The following DACH2 variants were observed in gnomAD, a reference collection of about 807,000 sequenced individuals.
The protein encoded by DACH2 is dachshund family transcription factor 2.
Under a neutral mutation model 35.8 loss-of-function variants are expected in DACH2, and 17 were observed. That is an observed-to-expected ratio of 0.48 (90% CI 0.33 to 0.71). DACH2 has a LOEUF of 0.71. Ranked by LOEUF, DACH2 falls within the 30% of genes least tolerant of loss-of-function variation. The pLI, the probability that DACH2 is intolerant of heterozygous loss-of-function variation, is 0.02. For missense variants in DACH2, 469 were observed against 472.7 expected (o/e 0.99, Z 0.07); for synonymous variants, 195 against 177.3 (o/e 1.10, Z -0.79).
intron 1 of DACH2, among the ~76,000 whole-genome samples, chrX:86,239,212 A>AT (rs1414735385): frequency 1.8e-5 from 2 of 111,768 alleles, no homozygotes; most frequent in South Asian, 3.7e-4. Flanking sequence ...TAGATTGTTA[A>AT]TTTTTTATTG....
intron 2 of DACH2, among the ~76,000 whole-genome samples, chrX:86,469,530 A>G (rs2037729048): frequency 9.0e-6 from 1 of 111,161 alleles, no homozygotes; most frequent in Non-Finnish European, 1.9e-5. Flanking sequence ...GATATTGTCT[A>G]GTATATTGGA....
At chrX:86,805,062 G>A (rs2042330438) in intron 7 of DACH2, among the ~76,000 whole-genome samples, 2 of 112,316 alleles carry the variant, frequency 1.8e-5, no homozygotes, top group Non-Finnish European at 3.8e-5. Flanking sequence ...ACTCTGTGTG[G>A]GGGCTCCAAC....
chrX:86,201,391 CA>C (rs1432401107), intron 1 of DACH2, among the ~76,000 whole-genome samples: 2 of 110,405 alleles, frequency 1.8e-5, no homozygotes. Context: ...CCCCATGACA[CA>C]AGTTTACCTA....
intron 1 of DACH2, among the ~76,000 whole-genome samples, chrX:86,289,409 T>A (rs190350120): frequency 3.5e-4 from 29 of 82,892 alleles, no homozygotes; most frequent in African/African-American, 1.0e-3. Context: ...GCAGGTTTCT[T>A]TTATTTATTT....
intron 2 of DACH2, among the ~76,000 whole-genome samples, chrX:86,489,924 A>G (rs1432020273): frequency 4.5e-5 from 5 of 112,091 alleles, no homozygotes; most frequent in African/African-American, 1.6e-4. Context: ...ACTTAAAATA[A>G]ATAGACTAGA....
chrX:86,547,075 A>G (rs945028035), intron 3 of DACH2, among the ~76,000 whole-genome samples: 2 of 111,009 alleles, frequency 1.8e-5, no homozygotes, highest in African/African-American at 6.6e-5. Flanking sequence ...GCACCTGTGA[A>G]TTAGATACCC....
At chrX:86,250,576 A>G (rs1415254680) in intron 1 of DACH2, among the ~76,000 whole-genome samples, 1 of 111,478 alleles carries the variant, frequency 9.0e-6, no homozygotes, top group African/African-American at 3.2e-5. Flanking sequence ...GTGATTTTAC[A>G]TATTTTCATA....
rs76072657 is a variant in DACH2, at chrX:86,221,149, A to G, written c.488+72041A>G. On this transcript the variant is annotated intron_variant, in intron 1 of 11. Coordinates refer to ENST00000373125, the MANE Select transcript of DACH2 (RefSeq NM_053281.3). Reference sequence around the variant, plus strand: ...GATCATTGCCAAGACCAATTCCATGATGCTTTTCCTTTATGTTTTCCTCTA... The same window carrying G: ...GATCATTGCCAAGACCAATTCCATGGTGCTTTTCCTTTATGTTTTCCTCTA... 8.7e-3 allele frequency among the ~76,000 whole-genome samples: 967 copies of G among 111,279 alleles called. 29 individuals are homozygous for G. The highest frequency in any genetic ancestry group is 0.086 in the East Asian group (301 of 3,488).
At chrX:86,198,511 CAGAT>C (rs766966012) in intron 1 of DACH2, among the ~76,000 whole-genome samples, 37 of 110,529 alleles carry the variant, frequency 3.3e-4, no homozygotes, top group Non-Finnish European at 2.8e-4. Context: ...ATTAATAAAA[CAGAT>C]AGACTGCTAG....
chrX:86,310,186 C>T (rs1298595051), intron 1 of DACH2, among the ~76,000 whole-genome samples: 1 of 112,214 alleles, frequency 8.9e-6, no homozygotes, highest in East Asian at 2.8e-4. Flanking sequence ...ACCTGTACTG[C>T]CTATCATGAA....
intron 1 of DACH2, among the ~76,000 whole-genome samples, chrX:86,367,303 G>A (rs769179937): frequency 1.8e-5 from 2 of 111,617 alleles, no homozygotes; most frequent in South Asian, 3.7e-4. Context: ...ACAGAATAAT[G>A]CACTACTGAT....
intron 1 of DACH2, among the ~76,000 whole-genome samples, chrX:86,220,403 A>G (rs1416811972): frequency 9.0e-6 from 1 of 111,150 alleles, no homozygotes; most frequent in East Asian, 2.8e-4. Flanking sequence ...AACCTTGGCA[A>G]CCACCATTCT....
At chrX:86,623,278 A>G (rs1292121451) in intron 3 of DACH2, among the ~76,000 whole-genome samples, 1 of 112,731 alleles carries the variant, frequency 8.9e-6, no homozygotes, top group Non-Finnish European at 1.9e-5. Context: ...AAAGATGAGA[A>G]TAATTATTAA....
intron 1 of DACH2, among the ~76,000 whole-genome samples, chrX:86,251,756 G>A (rs2033405586): frequency 9.0e-6 from 1 of 111,622 alleles, no homozygotes; most frequent in Non-Finnish European, 1.9e-5. Context: ...GGGCATTTGG[G>A]CTGGTTCCAT....
intron 7 of DACH2, among the ~76,000 whole-genome samples, chrX:86,811,643 C>T (rs1445023968): frequency 9.0e-6 from 1 of 111,364 alleles, no homozygotes; most frequent in African/African-American, 3.3e-5. Context: ...TATGATTCAC[C>T]CCATCATGCA....
intron 7 of DACH2, among the ~76,000 whole-genome samples, chrX:86,807,646 G>A (rs1014988766): frequency 3.6e-5 from 4 of 111,975 alleles, no homozygotes; most frequent in South Asian, 7.4e-4. Flanking sequence ...GCTCTTTAGC[G>A]GTGATTTGTG....
chrX:86,186,864 C>T (rs1336249021), intron 1 of DACH2, among the ~76,000 whole-genome samples: 1 of 111,535 alleles, frequency 9.0e-6, no homozygotes, highest in African/African-American at 3.3e-5. Flanking sequence ...GGACTTTCTT[C>T]TTTATACATA....
At chrX:86,436,712 G>A (rs1385179633) in intron 2 of DACH2, among the ~76,000 whole-genome samples, 1 of 110,869 alleles carries the variant, frequency 9.0e-6, no homozygotes, top group African/African-American at 3.3e-5. Context: ...ATAGAGAATT[G>A]GAACAATTTC....
intron 3 of DACH2, among the ~76,000 whole-genome samples, chrX:86,556,795 T>TATATATATATAG (rs1232719385): frequency 3.2e-4 from 8 of 25,288 alleles, no homozygotes; most frequent in East Asian, 3.5e-3. Context: ...TATATATATA[T>TATATATATATAG]AGAGAGAGAG....
Sources: allele counts gnomAD v4.1 joint callset (sites outside exome capture counted in the v4.1 genomes callset), GRCh38; gene constraint gnomAD v4.1.1; transcripts MANE v1.5; gene names NCBI Gene and HGNC (gene_info 2026-07-23, HGNC 2026-07-21).